Variants in PRKX observed in about 807,000 individuals in gnomAD.
The protein encoded by PRKX is protein kinase cAMP-dependent X-linked catalytic subunit, also known as cAMP-dependent protein kinase catalytic subunit PRKX.
PRKX carries 12 observed loss-of-function variants against 22.0 expected under a neutral mutation model. The ratio of observed to expected loss-of-function variants is 0.54; its 90% CI spans 0.35 to 0.88. The LOEUF is 0.88. Among genes scored for constraint, PRKX ranks in the 40% least tolerant of loss-of-function variants. The pLI is 0.01. For missense variants in PRKX, 217 were observed against 308.0 expected, an observed-to-expected ratio of 0.70 and a Z score of 2.21; for synonymous variants, 134 against 137.7, an observed-to-expected ratio of 0.97 and a Z score of 0.19.
At position 3,608,367 on chromosome X, in the gene PRKX, A is replaced by AAAC. The variant is rs2146551651; in HGVS notation, c.*601_*602insGTT. The AAAC allele has an allele frequency of 9.1e-6, 1 of 110,273 alleles. No individual in the cohort carries two copies. Among genetic ancestry groups the AAAC allele is most frequent in the South Asian group, 4.0e-4 (1 of 2,530 alleles). 9.1% of individuals were successfully genotyped at this position (110,273 alleles called of 1,213,427 possible). On this transcript the variant is annotated 3_prime_UTR_variant, in exon 9 of 9. Coordinates refer to ENST00000262848, the MANE Select transcript of PRKX (RefSeq NM_005044.5). ...AAAGATACTGAAGGTAGACCTCCCC[A>AAAC]TGATATTTTCTTCCCCAAAACTATA...
chrX:3,653,327 A>G (rs1274984271), intron 3 of PRKX, among the ~76,000 whole-genome samples: 1 of 110,117 alleles, frequency 9.1e-6, no homozygotes, highest in Non-Finnish European at 1.9e-5. Flanking sequence ...CTCCAGGTAC[A>G]GAATCTGTCG....
chrX:3,688,162 C>G (rs576758871), intron 1 of PRKX, among the ~76,000 whole-genome samples: 1 of 106,887 alleles, frequency 9.4e-6, no homozygotes, highest in South Asian at 4.1e-4. Context: ...AAGGTAAAAC[C>G]CAGCTGGGCG....
chrX:3,702,158 C>T (rs1288325583), intron 1 of PRKX, among the ~76,000 whole-genome samples: 1 of 112,191 alleles, frequency 8.9e-6, no homozygotes, highest in African/African-American at 3.2e-5. Context: ...CTTGTCCTCT[C>T]ATTGCCAAGA....
rs1325245711 is a variant in PRKX, at chrX:3,640,125, G to C, written c.719+1727C>G. Among the ~76,000 whole-genome samples, 4 of 109,690 alleles carry C rather than the reference G, an allele frequency of 3.6e-5. No individual in the cohort carries two copies. In the East Asian group the frequency reaches 1.2e-3, roughly 32 times the overall value. On this transcript the variant is annotated intron_variant, in intron 4 of 8. Transcript: ENST00000262848. The stretch of plus-strand genomic sequence containing the variant: ...AGGATCTGGCTTTTGCGACAATGGA[G>C]GCCACTCAGAGGATACGCTGGTGTC...
chrX:3,644,568 TGTGGTCCTGTTAA>T (rs1927152427), intron 3 of PRKX, among the ~76,000 whole-genome samples: 1 of 110,686 alleles, frequency 9.0e-6, no homozygotes, highest in Non-Finnish European at 1.9e-5. Flanking sequence ...GGGACCACCT[TGTGGTCCTGTTAA>T]GTGCTTCTCA....
intron 2 of PRKX, among the ~76,000 whole-genome samples, chrX:3,662,286 T>G (rs1293733324): frequency 9.0e-6 from 1 of 111,258 alleles, no homozygotes; most frequent in East Asian, 2.8e-4. Flanking sequence ...GGAGGCCAGG[T>G]GCGGTGGCTC....
chrX:3,711,081 C>A (rs747696977), intron 1 of PRKX, among the ~76,000 whole-genome samples: 40 of 111,350 alleles, frequency 3.6e-4, no homozygotes, highest in Non-Finnish European at 6.8e-4. Context: ...AATAAAGAAA[C>A]GGGCTTGGAT....
At chrX:3,675,093 C>T (rs190287860) in intron 1 of PRKX, among the ~76,000 whole-genome samples, 5 of 111,722 alleles carry the variant, frequency 4.5e-5, no homozygotes, top group African/African-American at 1.6e-4. Context: ...ACACAGCACA[C>T]CCACACGCCC....
chrX:3,685,284 C>T (rs1374569302), intron 1 of PRKX, among the ~76,000 whole-genome samples: 3 of 81,024 alleles, frequency 3.7e-5, no homozygotes, highest in Middle Eastern at 0.011. Context: ...CCTTCCTTCC[C>T]TCTCCTTTCC....
At chrX:3,650,960 G>C (rs1036937703) in intron 3 of PRKX, among the ~76,000 whole-genome samples, 1 of 107,553 alleles carries the variant, frequency 9.3e-6, no homozygotes, top group East Asian at 2.8e-4. Context: ...AGTGGTCCAC[G>C]ATACAGTGGT....
chrX:3,647,619 G>A (rs1040680813), intron 3 of PRKX, among the ~76,000 whole-genome samples: 11 of 103,945 alleles, frequency 1.1e-4, no homozygotes, highest in Admixed American at 2.1e-4. Flanking sequence ...ATTTAATGTC[G>A]GATATATTAT....
At chrX:3,680,141 G>GTTGTTA (rs1928042414) in intron 1 of PRKX, among the ~76,000 whole-genome samples, 1 of 109,335 alleles carries the variant, frequency 9.1e-6, no homozygotes, top group African/African-American at 3.3e-5. Context: ...TGTTGTTGTT[G>GTTGTTA]TTGTTGTTGT....
At chrX:3,617,266 C>T (rs1284163489) in intron 6 of PRKX, among the ~76,000 whole-genome samples, 2 of 109,951 alleles carry the variant, frequency 1.8e-5, no homozygotes, top group African/African-American at 6.6e-5. Flanking sequence ...ATGTACTTTA[C>T]ACACTTTATA....
intron 4 of PRKX, among the ~76,000 whole-genome samples, chrX:3,631,389 G>C (rs971414396): frequency 8.9e-6 from 1 of 112,713 alleles, no homozygotes; most frequent in Non-Finnish European, 1.9e-5. Flanking sequence ...AGAGGAGAAG[G>C]CCACATGGGG....
At chrX:3,666,768 C>T (rs1286000283) in intron 2 of PRKX, among the ~76,000 whole-genome samples, 2 of 108,349 alleles carry the variant, frequency 1.8e-5, no homozygotes, top group South Asian at 4.2e-4. Context: ...ATTAGCCAGG[C>T]GTGGTAGTGC....
chrX:3,613,150 C>CAAAAAA (rs528688936), intron 7 of PRKX, among the ~76,000 whole-genome samples: 10 of 54,322 alleles, frequency 1.8e-4, no homozygotes, highest in Non-Finnish European at 2.6e-4. Context: ...GACTTCGTCT[C>CAAAAAA]AAAAAAAAAA....
chrX:3,712,888 G>A (rs1928820634), intron 1 of PRKX, among the ~76,000 whole-genome samples, 200 bp downstream of exon 1: 1 of 112,782 alleles, frequency 8.9e-6, no homozygotes, highest in Non-Finnish European at 1.9e-5. Context: ...GGGGGTACTT[G>A]CCTGGGCTGG....
chrX:3,638,567 G>A (rs1926944949), intron 4 of PRKX, among the ~76,000 whole-genome samples: 1 of 111,583 alleles, frequency 9.0e-6, no homozygotes. Flanking sequence ...GGTTTGCCTA[G>A]GACATAATGG....
At chrX:3,667,149 T>C (rs1927752026) in intron 2 of PRKX, 1 of 111,356 alleles carries the variant, frequency 9.0e-6, no homozygotes, top group African/African-American at 3.3e-5. Flanking sequence ...TGAGCAGCTC[T>C]GTCCTCATCT....
Sources: allele counts gnomAD v4.1 joint callset (sites outside exome capture counted in the v4.1 genomes callset), GRCh38; gene constraint gnomAD v4.1.1; transcripts MANE v1.5; gene names NCBI Gene and HGNC (gene_info 2026-07-23, HGNC 2026-07-21).